CSMD1: variants seen among roughly 807,000 people sequenced by gnomAD.
CSMD1 encodes the protein CUB and Sushi multiple domains 1, also known as CUB and sushi domain-containing protein 1.
CSMD1 carries 213 observed loss-of-function variants against 417.5 expected under a neutral mutation model. The ratio of observed to expected loss-of-function variants is 0.51; its 90% CI spans 0.46 to 0.57. The LOEUF (loss-of-function observed/expected upper bound fraction) is 0.57, where lower values mean the gene tolerates loss of function less well. CSMD1 is among the 20% of genes least tolerant of loss of function. The pLI is 0.00. For synonymous variants in CSMD1, 2,862 were observed against 1,736.8 expected (o/e 1.65, Z -16.11); for missense variants, 6,923 against 4,529.7 (o/e 1.53, Z -15.17).
chr8:3,963,908 T>A (rs902394167), intron 5 of CSMD1, among the ~76,000 whole-genome samples: 1 of 152,200 alleles, frequency 6.6e-6, no homozygotes, highest in African/African-American at 2.4e-5. Context: ...TCTAACTCAT[T>A]GTATCCCAAA....
intron 33 of CSMD1, among the ~76,000 whole-genome samples, chr8:3,197,068 C>G (rs1351264452): frequency 6.6e-6 from 1 of 152,172 alleles, no homozygotes; most frequent in African/African-American, 2.4e-5. Flanking sequence ...CCAGCAATTG[C>G]ATAGAGTAAC....
chr8:3,050,690 C>G (rs1221425872), intron 50 of CSMD1, among the ~76,000 whole-genome samples: 2 of 152,004 alleles, frequency 1.3e-5, no homozygotes, highest in Admixed American at 1.3e-4. Flanking sequence ...TCAATATTGT[C>G]TGACTCTCAG....
chr8:4,486,302 G>C lies in CSMD1; in HGVS notation c.303-66237C>G, dbSNP rs1801415914. 2.0e-5 allele frequency among the ~76,000 whole-genome samples: 3 copies of C among 146,374 alleles called. No individual in the cohort carries two copies. In the South Asian group the frequency reaches 6.5e-4, roughly 32 times the overall value. ...ACGCACACGCAAACATAGGCACATA[G>C]AGCTTTTATCCCCCTAGCTACAAAT... On this transcript the variant is annotated intron_variant, in intron 2 of 69. Transcript: ENST00000635120.
chr8:4,067,734 C>A (rs952507391), intron 3 of CSMD1, among the ~76,000 whole-genome samples: 26 of 152,116 alleles, frequency 1.7e-4, no homozygotes, highest in African/African-American at 6.0e-4. Flanking sequence ...GATAAAGGAA[C>A]GTGTTATTCT....
At chr8:3,604,307 G>GA (rs1005290130) in intron 8 of CSMD1, among the ~76,000 whole-genome samples, 5 of 152,110 alleles carry the variant, frequency 3.3e-5, no homozygotes, top group Admixed American at 1.3e-4. Flanking sequence ...TGCGGGGGGG[G>GA]ACCAAAGGTC....
intron 5 of CSMD1, among the ~76,000 whole-genome samples, chr8:3,976,939 A>G (rs1813479277): frequency 6.6e-6 from 1 of 152,156 alleles, no homozygotes; most frequent in Non-Finnish European, 1.5e-5. Flanking sequence ...TCTAGTACAG[A>G]TTTGTCACAG....
At chr8:3,773,861 T>C (rs1054822374) in intron 5 of CSMD1, among the ~76,000 whole-genome samples, 7 of 152,156 alleles carry the variant, frequency 4.6e-5, no homozygotes, top group Admixed American at 2.6e-4. Context: ...TTTATTTTGA[T>C]CATTACTATG....
intron 25 of CSMD1, 118 bp downstream of exon 25, chr8:3,307,577 T>C: frequency 8.3e-7 from 1 of 1,208,354 alleles, no homozygotes; most frequent in Non-Finnish European, 1.2e-6. Flanking sequence ...CAGCTTTACC[T>C]TTTCTTCTTT....
rs1326390669 is a variant in CSMD1, at chr8:4,453,819, T to TC, written c.303-33755_303-33754insG. Among the ~76,000 whole-genome samples the TC allele has an allele frequency of 5.2e-5, 6 of 115,368 alleles. No homozygotes were observed. In the East Asian group the frequency reaches 1.2e-3, roughly 22 times the overall value. 75.7% of individuals were successfully genotyped at this position (115,368 alleles called of 152,430 possible). On this transcript the variant is annotated intron_variant, in intron 2 of 69. Transcript: ENST00000635120. ...CAAGATTGCGCAATTCGTTTCTTTTTTTTTTTTTTTTTTTTTTTTTGAGAC... is the reference window on the plus strand; with the variant it reads ...CAAGATTGCGCAATTCGTTTCTTTTTCTTTTTTTTTTTTTTTTTTTTGAGAC...
In CSMD1 at chr8:4,224,364, G is replaced by A. The variant is rs568522973; in HGVS notation, c.416-192265C>T. ...GCCTTAGGTACATGTACGATGTTGC[G>A]CAACAGCACATATTTTGATGCCAAT... On this transcript the variant is annotated intron_variant, in intron 3 of 69. Coordinates refer to ENST00000635120, the MANE Select transcript of CSMD1 (RefSeq NM_033225.6). 2.8e-4 allele frequency among the ~76,000 whole-genome samples: 42 copies of A among 152,208 alleles called. No homozygotes were observed. In the South Asian group the frequency reaches 6.6e-3, roughly 24 times the overall value.
At chr8:3,391,403 T>C (rs1811341421) in intron 17 of CSMD1, among the ~76,000 whole-genome samples, 1 of 152,214 alleles carries the variant, frequency 6.6e-6, no homozygotes, top group Non-Finnish European at 1.5e-5. Flanking sequence ...GAGAATTCCA[T>C]TTATTTTCCA....
chr8:4,852,865 G>A (rs184138300), intron 1 of CSMD1, among the ~76,000 whole-genome samples: 1 of 152,248 alleles, frequency 6.6e-6, no homozygotes, highest in African/African-American at 2.4e-5. Flanking sequence ...AAAGAACTTG[G>A]TTGCATTGTT....
intron 4 of CSMD1, among the ~76,000 whole-genome samples, chr8:4,025,611 C>G (rs796915696): frequency 2.6e-5 from 4 of 152,096 alleles, no homozygotes; most frequent in African/African-American, 4.8e-5. Context: ...TTAAGACTGG[C>G]AGAACATGCC....
At chr8:3,396,081 A>T (rs1395166672) in intron 17 of CSMD1, 113 bp downstream of exon 17, 1 of 871,796 alleles carries the variant, frequency 1.1e-6, no homozygotes, top group Non-Finnish European at 1.8e-6. Context: ...TGCTAGAGTC[A>T]AGCAGGATCA....
rs377321298 is a variant in CSMD1 at position 3,727,875 on chromosome 8, C to A, written c.932-19384G>T. The stretch of plus-strand genomic sequence containing the variant: ...TATGCCTGTCACAAAAGGACAAATA[C>A]TGTATGATTTCATCGATAATTAGAT... On this transcript the variant is annotated intron_variant, in intron 6 of 69. Coordinates refer to ENST00000635120, the MANE Select transcript of CSMD1 (RefSeq NM_033225.6). Among the ~76,000 whole-genome samples, 11 of 152,246 alleles carry A rather than the reference C, an allele frequency of 7.2e-5. No individual in the cohort carries two copies. The South Asian group carries it at 1.9e-3, about 26-fold the overall frequency.
At chr8:4,199,276 A>G (rs962108496) in intron 3 of CSMD1, among the ~76,000 whole-genome samples, 8 of 152,208 alleles carry the variant, frequency 5.3e-5, no homozygotes, top group African/African-American at 1.7e-4. Context: ...ATCTTCTGCT[A>G]TGGTCATTGA....
At chr8:3,595,412 C>A (rs146127090) in intron 8 of CSMD1, among the ~76,000 whole-genome samples, 190 of 152,230 alleles carry the variant, frequency 1.2e-3, no homozygotes, top group African/African-American at 4.5e-3. Flanking sequence ...CTTTTCATAG[C>A]GGCAATTTTT....
intron 5 of CSMD1, among the ~76,000 whole-genome samples, chr8:3,914,890 A>C (rs572308119): frequency 6.6e-6 from 1 of 152,280 alleles, no homozygotes; most frequent in Admixed American, 6.5e-5. Context: ...ATGCTGCTGA[A>C]ATCTTACAGA....
At chr8:3,364,346 T>C (rs1386323200) in intron 20 of CSMD1, among the ~76,000 whole-genome samples, 3 of 152,210 alleles carry the variant, frequency 2.0e-5, no homozygotes, top group Non-Finnish European at 4.4e-5. Context: ...TGCAACTGTC[T>C]AGATGAAATT....
Sources: allele counts gnomAD v4.1 joint callset (sites outside exome capture counted in the v4.1 genomes callset), GRCh38; gene constraint gnomAD v4.1.1; transcripts MANE v1.5; gene names NCBI Gene and HGNC (gene_info 2026-07-23, HGNC 2026-07-21).